Variants in CREBBP observed in about 807,000 individuals in gnomAD.
CREBBP encodes CREB binding lysine acetyltransferase, also known as CREB-binding protein.
Under a neutral mutation model 265.0 loss-of-function variants are expected in CREBBP, and 19 were observed. The ratio of observed to expected loss-of-function variants is 0.07; its 90% CI spans 0.05 to 0.11. The LOEUF is 0.11. CREBBP is among the 10% of genes least tolerant of loss of function. The pLI is 1.00. For synonymous variants in CREBBP, 1,457 were observed against 1,223.7 expected (o/e 1.19, Z -3.98); for missense variants, 2,525 against 3,219.0 (o/e 0.78, Z 5.22).
intron 16 of CREBBP, among the ~76,000 whole-genome samples, chr16:3,760,284 G>C (rs2052683250): frequency 6.6e-6 from 1 of 150,594 alleles, no homozygotes; most frequent in Non-Finnish European, 1.5e-5. Context: ...TGGAGATGAG[G>C]TCTCACTATG....
chr16:3,727,247 TC>T lies in CREBBP; in HGVS notation c.*470del. ...TATAGAAAAAAATCTTCCCGAAACA[TC>T]ACAAAGTTATCGGGATACATTATAA... is the stretch of plus-strand genomic sequence containing the variant. On this transcript the variant is annotated 3_prime_UTR_variant, in exon 31 of 31. Transcript: ENST00000262367. 3.9e-6 allele frequency: 1 copy of T among 255,570 alleles called. No homozygotes were observed. Among genetic ancestry groups the T allele is most frequent in the Non-Finnish European group, 7.6e-6 (1 of 132,274 alleles). 15.8% of individuals were successfully genotyped at this position (255,570 alleles called of 1,614,324 possible).
At chr16:3,870,220 T>G (rs2055265964) in intron 1 of CREBBP, among the ~76,000 whole-genome samples, 1 of 151,976 alleles carries the variant, frequency 6.6e-6, no homozygotes, top group Non-Finnish European at 1.5e-5. Context: ...TACTATAGAA[T>G]CTGCAGGAGG....
chr16:3,747,945 C>A (rs966932585), intron 21 of CREBBP, among the ~76,000 whole-genome samples: 2 of 152,172 alleles, frequency 1.3e-5, no homozygotes, highest in Non-Finnish European at 1.5e-5. Flanking sequence ...AAAAAATTAG[C>A]CAGGTGTGGT....
Position 3,731,411 on chromosome 16 carries a change from G to T in CREBBP, c.4953C>A (p.Asp1651Glu), listed in dbSNP as rs768334495. The change falls in exon 30 of 31, where the codon GAC becomes GAA. Residue 1651 changes from aspartate to glutamate, a missense_variant. Asp to Glu is a conservative substitution (Grantham distance 45). Transcript: ENST00000262367. The surrounding 1 kb of genome is among the most constrained non-coding windows in gnomAD (Gnocchi z 7.7). ...PVINTLPPIV[D>E]PDPLLSCDLM... ...GGTCACAGCTGAGCAGGGGGTCGGG[G>T]TCGACGATGGGGGGCAGGGTGTTGA... is the stretch of plus-strand genomic sequence containing the variant. The T allele has an allele frequency of 6.2e-7, 1 of 1,606,984 alleles. No individual in the cohort carries two copies. The highest frequency in any genetic ancestry group is 8.5e-7 in the Non-Finnish European group (1 of 1,177,252).
chr16:3,775,914 T>C (rs2053126890), intron 11 of CREBBP, among the ~76,000 whole-genome samples: 2 of 33,876 alleles, frequency 5.9e-5, no homozygotes, highest in Non-Finnish European at 1.0e-4. Flanking sequence ...GACTCCTTGA[T>C]TTCTTTCTTT....
At chr16:3,802,599 C>T (rs1202223624) in intron 3 of CREBBP, among the ~76,000 whole-genome samples, 3 of 152,100 alleles carry the variant, frequency 2.0e-5, no homozygotes, top group Admixed American at 6.6e-5. Context: ...AACGCTTATC[C>T]TCACATTCCT....
Position 3,778,680 on chromosome 16 carries a change from C to T in CREBBP, c.1941+20G>A, listed in dbSNP as rs1309651303. On this transcript the variant is annotated intron_variant, in intron 9 of 30. Coordinates refer to ENST00000262367, the MANE Select transcript of CREBBP (RefSeq NM_004380.3). ...ACTACAGATGCTGTAGAGGCCAGAG[C>T]ACGGTAAACAGCAACCTACCCTGCT... 1 of 1,565,178 alleles carries T rather than the reference C, an allele frequency of 6.4e-7. No homozygotes were observed. The highest frequency in any genetic ancestry group is 8.8e-7 in the Non-Finnish European group (1 of 1,136,148).
chr16:3,842,261 C>T (rs1439154774), intron 2 of CREBBP, among the ~76,000 whole-genome samples: 3 of 152,130 alleles, frequency 2.0e-5, no homozygotes, highest in Admixed American at 1.3e-4. Flanking sequence ...AGAATGCCTC[C>T]GGACCCCTTG....
intron 2 of CREBBP, among the ~76,000 whole-genome samples, chr16:3,838,393 T>A (rs1721722924): frequency 6.6e-6 from 1 of 152,326 alleles, no homozygotes; most frequent in East Asian, 1.9e-4. Context: ...CACTTAATGA[T>A]GCATTTCACC....
At chr16:3,752,895 C>T (rs2052506155) in intron 19 of CREBBP, among the ~76,000 whole-genome samples, 1 of 152,146 alleles carries the variant, frequency 6.6e-6, no homozygotes, top group Admixed American at 6.5e-5. Flanking sequence ...ATAAAAACTA[C>T]TAAATGTTTG....
chr16:3,815,289 C>T (rs1218930423), intron 2 of CREBBP, among the ~76,000 whole-genome samples: 3 of 152,048 alleles, frequency 2.0e-5, no homozygotes, highest in African/African-American at 7.2e-5. Context: ...CCTGTAATTC[C>T]AGCACTTTGG....
In CREBBP at chr16:3,728,696, G is replaced by C. The variant is rs142846349; in HGVS notation, c.6351C>G (p.Pro2117=). Residue 2117 remains proline, a synonymous_variant, in exon 31 of 31, where the codon CCC becomes CCG. Transcript: ENST00000262367. The surrounding 1 kb of genome is among the most constrained non-coding windows in gnomAD (Gnocchi z 8.7). Reference sequence around the variant, plus strand: ...CGGGCTGGGACTGGAGGCCAGGCTGGGGCTGCATGCCGGGCTGATTGGCCA... The same window carrying C: ...CGGGCTGGGACTGGAGGCCAGGCTGCGGCTGCATGCCGGGCTGATTGGCCA... The part of the protein sequence containing the change: ...KYVANQPGMQ[P]QPGLQSQPGM... The C allele has an allele frequency of 1.2e-6, 2 of 1,614,002 alleles. No homozygotes were observed. The highest frequency in any genetic ancestry group is 1.7e-5 in the Admixed American group (1 of 60,030).
At chr16:3,748,307 G>T (rs2052394203) in intron 21 of CREBBP, among the ~76,000 whole-genome samples, 1 of 151,712 alleles carries the variant, frequency 6.6e-6, no homozygotes, top group South Asian at 2.1e-4. Context: ...AAGAAAAGTA[G>T]ATATAAATAA....
chr16:3,744,953 C>T lies in CREBBP; in HGVS notation c.3923G>A (p.Cys1308Tyr), dbSNP rs2052305176. ...YDIIWPSGFV[C>Y]DNCLKKTGRP... ...GCCAGTTTTCTTCAAGCAGTTGTCG[C>T]ACACAAAACTGCAAAATAATAGTGG... is the stretch of plus-strand genomic sequence containing the variant. The change falls in exon 23 of 31, where the codon TGC becomes TAC. Residue 1308 changes from cysteine (C) to tyrosine (Y), a missense_variant. Transcript: ENST00000262367. 6.2e-7 allele frequency: 1 copy of T among 1,612,714 alleles called. No homozygotes were observed. The highest frequency in any genetic ancestry group is 1.3e-5 in the African/African-American group (1 of 74,858).
rs2151301709 is a variant in CREBBP at position 3,728,287 on chromosome 16, G to C, written c.6760C>G (p.Leu2254Val). The C allele has an allele frequency of 6.2e-7, 1 of 1,612,094 alleles. No homozygotes were observed. The highest frequency in any genetic ancestry group is 8.5e-7 in the Non-Finnish European group (1 of 1,179,556). The change falls in exon 31 of 31, where the codon CTC becomes GTC. Residue 2254 changes from leucine (L) to valine (V), a missense_variant. Leu to Val is a conservative substitution (Grantham distance 32). Coordinates refer to ENST00000262367, the MANE Select transcript of CREBBP (RefSeq NM_004380.3). This position sits in a 1 kb window ranked among gnomAD's most constrained non-coding sequence, Gnocchi z 8.7. Reference sequence around the variant, plus strand: ...CCCATGGAGCTGCCCTGGAGGGGGAGATGCTGCTGCATGCGCTGCTGCTGC... The same window carrying C: ...CCCATGGAGCTGCCCTGGAGGGGGACATGCTGCTGCATGCGCTGCTGCTGC... ...MQQQQRMQQH[L>V]PLQGSSMGQM...
rs553845987 is a variant in CREBBP, at chr16:3,841,526, AGCTACTTAGGAGGCT to A, written c.798+8756_798+8770del. Reference sequence around the variant, plus strand: ...CATGATGGTGCACACCTATAGTACCAGCTACTTAGGAGGCTGAGACTGGAGCACTGCTTGAGCCCA... The same window carrying A: ...CATGATGGTGCACACCTATAGTACCAGAGACTGGAGCACTGCTTGAGCCCA... On this transcript the variant is annotated intron_variant, in intron 2 of 30. Transcript: ENST00000262367. Among the ~76,000 whole-genome samples the A allele has an allele frequency of 6.8e-3, 1,031 of 152,298 alleles. 12 individuals carry two copies. Among genetic ancestry groups the A allele is most frequent in the Middle Eastern group, 0.017 (5 of 294 alleles).
Position 3,868,399 on chromosome 16 carries a change from G to A in CREBBP, c.85+11433C>T, listed in dbSNP as rs568988814. On this transcript the variant is annotated intron_variant, in intron 1 of 30. Coordinates refer to ENST00000262367, the MANE Select transcript of CREBBP (RefSeq NM_004380.3). Reference sequence around the variant, plus strand: ...ACGGGGCTCAGGAGGGGAAAGCATTGTCTACTCTCCCTACAGACCTGAACT... The same window carrying A: ...ACGGGGCTCAGGAGGGGAAAGCATTATCTACTCTCCCTACAGACCTGAACT... Among the ~76,000 whole-genome samples, 8 of 135,298 alleles carry A rather than the reference G, an allele frequency of 5.9e-5. No individual in the cohort carries two copies. In the South Asian group the frequency reaches 1.9e-3, roughly 33 times the overall value. 88.8% of individuals were successfully genotyped at this position (135,298 alleles called of 152,430 possible).
At chr16:3,875,088 G>C (rs544787033) in intron 1 of CREBBP, among the ~76,000 whole-genome samples, 1 of 152,180 alleles carries the variant, frequency 6.6e-6, no homozygotes, top group South Asian at 2.1e-4. Flanking sequence ...CTTAGAAGCT[G>C]TGAAAACACA....
At chr16:3,814,802 C>T (rs1052377592) in intron 2 of CREBBP, among the ~76,000 whole-genome samples, 5 of 152,176 alleles carry the variant, frequency 3.3e-5, no homozygotes, top group African/African-American at 7.2e-5. Flanking sequence ...AAAAAATTCC[C>T]GTCTTTAGCC....
Sources: allele counts gnomAD v4.1 joint callset (sites outside exome capture counted in the v4.1 genomes callset), GRCh38; gene constraint gnomAD v4.1.1; non-coding constraint Gnocchi (gnomAD v3.1); transcripts MANE v1.5; gene names NCBI Gene and HGNC (gene_info 2026-07-23, HGNC 2026-07-21).